Variants in AMPH observed in about 807,000 individuals in gnomAD.
AMPH encodes amphiphysin (Stiff-Mann syndrome with breast cancer 128kD autoantigen).
Under a neutral mutation model 99.1 loss-of-function variants are expected in AMPH, and 49 were observed. That is an observed-to-expected ratio of 0.49 (90% confidence interval 0.39 to 0.63). The LOEUF (loss-of-function observed/expected upper bound fraction) is 0.63. Among genes scored for constraint, AMPH ranks in the 20% least tolerant of loss-of-function variants. The probability of loss-of-function intolerance (pLI) is 0.00; values close to 1 mark genes in which losing one functional copy is unlikely to be tolerated. For missense variants in AMPH, 759 were observed against 863.4 expected, an observed-to-expected ratio of 0.88 and a Z score of 1.52; for synonymous variants, 314 against 317.3, an observed-to-expected ratio of 0.99 and a Z score of 0.11.
chr7:38,548,717 T>C (rs1418800714), intron 1 of AMPH, among the ~76,000 whole-genome samples: 2 of 152,288 alleles, frequency 1.3e-5, no homozygotes, highest in East Asian at 3.9e-4. Context: ...ATTTTATAGA[T>C]GAGCTTGAGA....
At chr7:38,433,501 G>A (rs902333390) in intron 12 of AMPH, among the ~76,000 whole-genome samples, 16 of 151,640 alleles carry the variant, frequency 1.1e-4, no homozygotes, top group Non-Finnish European at 2.2e-4. Context: ...CGAGGCGGGC[G>A]GATCACGAGG....
intron 2 of AMPH, among the ~76,000 whole-genome samples, chr7:38,526,272 CT>C (rs1156956513): frequency 1.6e-3 from 224 of 142,846 alleles, no homozygotes; most frequent in Middle Eastern, 3.7e-3. Flanking sequence ...GGTTTCTTTT[CT>C]TTTTTTTTTT....
intron 20 of AMPH, among the ~76,000 whole-genome samples, chr7:38,387,221 T>C (rs1036544959): frequency 1.3e-5 from 2 of 152,198 alleles, no homozygotes; most frequent in African/African-American, 4.8e-5. Context: ...CTACTATGTC[T>C]AGTATCAATT....
intron 1 of AMPH, among the ~76,000 whole-genome samples, chr7:38,604,663 C>T (rs1793367198): frequency 6.6e-6 from 1 of 152,174 alleles, no homozygotes; most frequent in Admixed American, 6.5e-5. Flanking sequence ...AGTCCTTCAT[C>T]CAAAGACCCA....
At chr7:38,594,590 A>G (rs1377450811) in intron 1 of AMPH, among the ~76,000 whole-genome samples, 1 of 152,158 alleles carries the variant, frequency 6.6e-6, no homozygotes, top group African/African-American at 2.4e-5. Flanking sequence ...GGTACGTATG[A>G]ATGGGGTGGC....
At chr7:38,514,995 G>T (rs192270201) in intron 2 of AMPH, among the ~76,000 whole-genome samples, 24 of 152,250 alleles carry the variant, frequency 1.6e-4, no homozygotes, top group Non-Finnish European at 2.2e-4. Flanking sequence ...TCTCGTGAGG[G>T]CTCAGAAGAG....
intron 2 of AMPH, among the ~76,000 whole-genome samples, chr7:38,523,839 T>C (rs971239882): frequency 2.0e-5 from 3 of 152,146 alleles, no homozygotes; most frequent in Non-Finnish European, 4.4e-5. Flanking sequence ...ATAAAACTAG[T>C]AGGTGACAGT....
intron 1 of AMPH, among the ~76,000 whole-genome samples, chr7:38,542,743 C>A (rs545846733): frequency 6.6e-6 from 1 of 152,180 alleles, no homozygotes; most frequent in Admixed American, 6.5e-5. Flanking sequence ...ATTGCCTGAG[C>A]CCAGGAGTTG....
chr7:38,444,715 GGGTTT>G (rs1221896614), intron 11 of AMPH, among the ~76,000 whole-genome samples: 2 of 151,906 alleles, frequency 1.3e-5, no homozygotes, highest in African/African-American at 4.8e-5. Flanking sequence ...TTTTTGTGGG[GGGTTT>G]TGTATTTAAG....
At position 38,394,110 on chromosome 7, in the gene AMPH, G is replaced by A. The variant is rs747583340; in HGVS notation, c.1503C>T (p.Ala501=). 9.9e-6 allele frequency: 16 copies of A among 1,613,968 alleles called. No individual in the cohort carries two copies. The highest frequency in any genetic ancestry group is 1.7e-5 in the Admixed American group (1 of 59,998). ...CCTCCTCTAAACTTACTCCTTCCCC[G>A]GCAGGGACAGTGGCCTTCTCCGCCT... ...EAEAEKATVP[A]GEGVSLEEAK... The change falls in exon 18 of 21, where the codon GCC becomes GCT. Residue 501 remains alanine (A), a synonymous_variant. Coordinates refer to ENST00000356264, the MANE Select transcript of AMPH (RefSeq NM_001635.4).
intron 5 of AMPH, among the ~76,000 whole-genome samples, chr7:38,485,686 G>T (rs1251263775): frequency 6.6e-6 from 1 of 151,818 alleles, no homozygotes; most frequent in African/African-American, 2.4e-5. Flanking sequence ...TTCTTAAGTT[G>T]CACATGGAAG....
intron 10 of AMPH, among the ~76,000 whole-genome samples, chr7:38,462,453 A>G (rs1382592383): frequency 6.6e-6 from 1 of 152,200 alleles, no homozygotes; most frequent in African/African-American, 2.4e-5. Context: ...TTCTCTCTAC[A>G]GTTACCTTTG....
intron 14 of AMPH, chr7:38,428,829 A>C: frequency 2.0e-6 from 1 of 488,690 alleles, no homozygotes; most frequent in South Asian, 1.5e-5. Flanking sequence ...GTCCTTTTCT[A>C]ATAGGTCAGT....
intron 14 of AMPH, chr7:38,429,074 A>T: frequency 7.8e-7 from 1 of 1,290,164 alleles, no homozygotes; most frequent in Non-Finnish European, 1.0e-6. Flanking sequence ...ACGCCTCCAC[A>T]CCTGCCCACA....
chr7:38,429,999 C>A, intron 13 of AMPH, 134 bp from the exon 14 acceptor site: 1 of 831,248 alleles, frequency 1.2e-6, no homozygotes, highest in South Asian at 2.3e-5. Context: ...AATTTTACAA[C>A]TTGTTTTGTG....
At chr7:38,425,905 A>G (rs1785766592) in intron 15 of AMPH, among the ~76,000 whole-genome samples, 1 of 152,164 alleles carries the variant, frequency 6.6e-6, no homozygotes, top group African/African-American at 2.4e-5. Flanking sequence ...TGCATTAATA[A>G]CTCTGATGGA....
chr7:38,528,927 A>G (rs1265714944), intron 2 of AMPH, among the ~76,000 whole-genome samples: 1 of 152,052 alleles, frequency 6.6e-6, no homozygotes, highest in Admixed American at 6.5e-5. Flanking sequence ...AAGGCCTTGT[A>G]TTCGCTGAAC....
At chr7:38,385,231 A>G (rs1784320034) in intron 20 of AMPH, among the ~76,000 whole-genome samples, 1 of 152,366 alleles carries the variant, frequency 6.6e-6, no homozygotes, top group Non-Finnish European at 1.5e-5. Context: ...CTGGATTATA[A>G]TATGAGTTCT....
chr7:38,426,305 C>T, intron 15 of AMPH, among the ~76,000 whole-genome samples: 1 of 152,156 alleles, frequency 6.6e-6, no homozygotes, highest in East Asian at 1.9e-4. Flanking sequence ...ACAGGTTACA[C>T]CTGCCTACCT....
Sources: gnomAD v4.1 joint callset for allele counts (sites outside exome capture counted in the v4.1 genomes callset) on GRCh38, gnomAD v4.1.1 for gene constraint, MANE v1.5 for transcripts, NCBI Gene and HGNC (gene_info 2026-07-23, HGNC 2026-07-21) for gene names.